GRM5: variants seen among roughly 807,000 people sequenced by gnomAD.
The protein encoded by GRM5 is metabotropic glutamate receptor 5.
GRM5 carries 19 observed loss-of-function variants against 83.1 expected under a neutral mutation model. The ratio of observed to expected loss-of-function variants is 0.23; its 90% CI spans 0.16 to 0.34. The LOEUF is 0.34. Among genes scored for constraint, GRM5 ranks in the 10% least tolerant of loss-of-function variants. The pLI is 1.00. For synonymous variants in GRM5, 675 were observed against 633.6 expected, an observed-to-expected ratio of 1.07 and a Z score of -0.98; for missense variants, 1,160 against 1,588.3, an observed-to-expected ratio of 0.73 and a Z score of 4.58.
intron 4 of GRM5, among the ~76,000 whole-genome samples, chr11:88,644,526 T>G (rs1939386556): frequency 6.6e-6 from 1 of 152,184 alleles, no homozygotes; most frequent in African/African-American, 2.4e-5. Flanking sequence ...TTCTACTTAT[T>G]TGTTGATGTA....
chr11:88,730,325 A>G (rs1361374055), intron 3 of GRM5, among the ~76,000 whole-genome samples: 1 of 152,194 alleles, frequency 6.6e-6, no homozygotes, highest in African/African-American at 2.4e-5. Flanking sequence ...ACAATGAGAT[A>G]CCATCTCATG....
At chr11:88,893,755 G>A (rs1945185219) in intron 2 of GRM5, among the ~76,000 whole-genome samples, 1 of 151,936 alleles carries the variant, frequency 6.6e-6, no homozygotes, top group Non-Finnish European at 1.5e-5. Flanking sequence ...ATCGAACCAA[G>A]AGGAGCCCTA....
At chr11:88,874,538 T>C (rs1439899276) in intron 2 of GRM5, among the ~76,000 whole-genome samples, 2 of 151,802 alleles carry the variant, frequency 1.3e-5, no homozygotes, top group Admixed American at 1.3e-4. Flanking sequence ...AACAAAGGTT[T>C]TTGCAATAAA....
At chr11:88,919,085 TA>T (rs1335551512) in intron 2 of GRM5, among the ~76,000 whole-genome samples, 27 of 142,240 alleles carry the variant, frequency 1.9e-4, no homozygotes, top group African/African-American at 3.3e-4. Context: ...AACACTCCAA[TA>T]AAAAAAATAG....
chr11:89,050,944 G>T (rs1377749686), intron 1 of GRM5, among the ~76,000 whole-genome samples: 1 of 152,064 alleles, frequency 6.6e-6, no homozygotes, highest in Admixed American at 6.6e-5. Context: ...ACATACTCTG[G>T]GGCCTGCTGG....
intron 8 of GRM5, among the ~76,000 whole-genome samples, chr11:88,553,356 T>A (rs979219089): frequency 6.6e-5 from 10 of 152,160 alleles, no homozygotes; most frequent in Admixed American, 6.6e-4. Context: ...ATCCAGTGGC[T>A]AGATAGTTCC....
intron 3 of GRM5, among the ~76,000 whole-genome samples, chr11:88,691,405 T>G (rs1940777424): frequency 6.6e-6 from 1 of 152,194 alleles, no homozygotes; most frequent in Non-Finnish European, 1.5e-5. Context: ...CCATGTAGAA[T>G]AAACTTAAAG....
At position 88,887,212 on chromosome 11, in the gene GRM5, C is replaced by T. The variant is rs535973569; in HGVS notation, c.662-37057G>A. 2.0e-5 allele frequency among the ~76,000 whole-genome samples: 3 copies of T among 152,214 alleles called. No homozygotes were observed. The South Asian group carries it at 6.2e-4, about 32-fold the overall frequency. On this transcript the variant is annotated intron_variant, in intron 2 of 9. Coordinates refer to ENST00000305447, the MANE Select transcript of GRM5 (RefSeq NM_001143831.3). ...TACTGTCCCATCAGCAGGAAAATTG[C>T]CATTTAGTCCATACATTTTTAAGAC...
intron 2 of GRM5, among the ~76,000 whole-genome samples, chr11:89,019,739 T>G (rs1461759030): frequency 6.6e-6 from 1 of 151,988 alleles, no homozygotes; most frequent in East Asian, 1.9e-4. Context: ...CCCTTTTATC[T>G]CCAATACTTC....
At chr11:89,017,723 A>G (rs1365451386) in intron 2 of GRM5, among the ~76,000 whole-genome samples, 2 of 152,232 alleles carry the variant, frequency 1.3e-5, no homozygotes, top group African/African-American at 4.8e-5. Flanking sequence ...CACAAGTACT[A>G]TATCAGATGC....
chr11:88,734,428 T>G (rs1941869412), intron 3 of GRM5, among the ~76,000 whole-genome samples: 1 of 151,970 alleles, frequency 6.6e-6, no homozygotes, highest in Non-Finnish European at 1.5e-5. Context: ...TACCATATAA[T>G]ACAACAATCC....
Position 88,509,032 on chromosome 11 carries a change from G to A in GRM5, c.3199C>T (p.Arg1067Cys), listed in dbSNP as rs894433782. The A allele has an allele frequency of 1.3e-6, 2 of 1,565,326 alleles. No homozygotes were observed. Among genetic ancestry groups the A allele is most frequent in the Admixed American group, 1.9e-5 (1 of 52,606 alleles). ...LMEQISSVVT[R>C]FTANISELNS... ...AGCTCGCTGATGTTGGCCGTGAAGC[G>A]GGTGACCACACTGCTGATCTGCTCC... The change falls in exon 10 of 10, where the codon CGC becomes TGC. Residue 1067 changes from arginine (R) to cysteine (C), a missense_variant. By Grantham distance (180) the Arg-to-Cys change is radical. Around this residue, in one of 9 missense-constraint regions of GRM5, gnomAD observed 562 missense variants for 532.4 expected, o/e 1.06. Coordinates refer to ENST00000305447, the MANE Select transcript of GRM5 (RefSeq NM_001143831.3).
chr11:88,621,283 T>C (rs1938627446), intron 4 of GRM5, among the ~76,000 whole-genome samples: 1 of 152,238 alleles, frequency 6.6e-6, no homozygotes. Flanking sequence ...CAATGAGTTA[T>C]ATTTTAACTG....
intron 3 of GRM5, among the ~76,000 whole-genome samples, chr11:88,828,137 A>G (rs11021482): frequency 0.026 from 3,894 of 152,298 alleles, 175 homozygotes; most frequent in African/African-American, 0.089. Flanking sequence ...CACTGTGGCT[A>G]AAGTGAATTG....
chr11:88,778,242 G>A (rs987190839), intron 3 of GRM5, among the ~76,000 whole-genome samples: 3 of 152,244 alleles, frequency 2.0e-5, no homozygotes, highest in Non-Finnish European at 4.4e-5. Flanking sequence ...AGGCTCCATG[G>A]GCGTGCGACC....
intron 2 of GRM5, among the ~76,000 whole-genome samples, chr11:88,948,099 G>C (rs1254090113): frequency 6.6e-6 from 1 of 152,110 alleles, no homozygotes; most frequent in Non-Finnish European, 1.5e-5. Flanking sequence ...CCTAATCTCA[G>C]CCAGAGAAGT....
At chr11:88,915,209 G>T (rs562087207) in intron 2 of GRM5, among the ~76,000 whole-genome samples, 2 of 152,078 alleles carry the variant, frequency 1.3e-5, no homozygotes, top group Admixed American at 6.6e-5. Context: ...GAGAGGAGGA[G>T]GAGGAGAAAA....
At chr11:88,630,601 G>A (rs1337417839) in intron 4 of GRM5, among the ~76,000 whole-genome samples, 1 of 146,248 alleles carries the variant, frequency 6.8e-6, no homozygotes, top group African/African-American at 2.5e-5. Context: ...ATATTATGAT[G>A]GAGTTTCATT....
intron 2 of GRM5, among the ~76,000 whole-genome samples, chr11:88,994,632 A>G (rs1940117636): frequency 6.8e-6 from 1 of 148,080 alleles, no homozygotes. Flanking sequence ...AAAAAACAGT[A>G]AAACACTTTG....
Sources: gnomAD v4.1 joint callset for allele counts (sites outside exome capture counted in the v4.1 genomes callset) on GRCh38, gnomAD v4.1.1 for gene constraint, gnomAD v4.1.1 regional missense constraint, MANE v1.5 for transcripts, NCBI Gene and HGNC (gene_info 2026-07-23, HGNC 2026-07-21) for gene names.